The following DEPDC5 variants were observed in gnomAD, a reference collection of about 807,000 sequenced individuals.
DEPDC5 encodes the protein DEP domain containing 5, GATOR1 subcomplex subunit.
In DEPDC5, 73 loss-of-function variants were observed where a neutral mutation model predicts 217.3. The observed-to-expected ratio is 0.34, with a 90% CI of 0.28 to 0.41. The LOEUF is 0.41. Ranked by LOEUF, DEPDC5 falls within the 10% of genes least tolerant of loss-of-function variation. DEPDC5 has a pLI of 1.00. For synonymous variants in DEPDC5, 733 were observed against 756.7 expected (o/e 0.97, Z 0.51); for missense variants, 1,675 against 2,070.1 (o/e 0.81, Z 3.70).
At chr22:31,787,550 TAATC>T (rs2085133449) in intron 10 of DEPDC5, among the ~76,000 whole-genome samples, 1 of 152,156 alleles carries the variant, frequency 6.6e-6, no homozygotes, top group Non-Finnish European at 1.5e-5. Flanking sequence ...CTCACACCTT[TAATC>T]CCAGCACTTT....
chr22:31,768,736 A>T, intron 6 of DEPDC5, 78 bp from the exon 7 acceptor site: 2 of 1,250,554 alleles, frequency 1.6e-6, no homozygotes, highest in Admixed American at 2.0e-5. Context: ...TGGCCTTAAT[A>T]TGTTAATCAA....
intron 14 of DEPDC5, among the ~76,000 whole-genome samples, chr22:31,802,050 A>G (rs1045427625): frequency 1.4e-5 from 2 of 147,860 alleles, no homozygotes; most frequent in African/African-American, 4.9e-5. Context: ...TTAAAATAAT[A>G]TATAATATAT....
intron 10 of DEPDC5, 52 bp downstream of exon 10, chr22:31,784,927 G>C (rs574512279): frequency 1.3e-6 from 2 of 1,527,272 alleles, no homozygotes; most frequent in South Asian, 1.2e-5. Context: ...TACTCAATCA[G>C]ATTTTTAAAA....
rs1184782245 is a variant in DEPDC5, at chr22:31,797,485, C to G, written c.768-115C>G. ...ACCCCCATGATCCAGTCACCTCCCA[C>G]CAGGTTCCTCCCTCGACACATGGGT... is the stretch of plus-strand genomic sequence containing the variant. On this transcript the variant is annotated intron_variant, in intron 12 of 42. Transcript: ENST00000651528. The G allele has an allele frequency of 5.1e-6, 4 of 781,464 alleles. No homozygotes were observed. The Admixed American group carries it at 6.1e-5, about 12-fold the overall frequency. The allele number at this position is 781,464 out of a possible 1,614,324, so 48.4% of individuals were successfully genotyped here. A position where few individuals can be genotyped will look rare whatever the true frequency, so the allele number is the denominator to read the frequency against.
At chr22:31,856,308 A>G (rs758523940) in intron 31 of DEPDC5, among the ~76,000 whole-genome samples, 13 of 152,106 alleles carry the variant, frequency 8.5e-5, no homozygotes, top group Non-Finnish European at 1.6e-4. Flanking sequence ...GGGGCCAACA[A>G]CTGAGACAGA....
At chr22:31,844,873 A>G (rs2091631160) in intron 29 of DEPDC5, 145 bp from the exon 30 acceptor site, 10 of 854,538 alleles carry the variant, frequency 1.2e-5, no homozygotes, top group Non-Finnish European at 1.7e-5. Flanking sequence ...TGTATTTTCA[A>G]CAAAGCCATG....
chr22:31,870,592 A>T lies in DEPDC5; in HGVS notation c.3333A>T (p.Val1111=). ...ATTCATTTTTAAATCTCCTGCAGGT[A>T]TCTGTGGACCAAACAGCCACTCCTA... The part of the protein sequence containing the change: ...RTASSAFYPQ[V]SVDQTATPML... Residue 1111 remains valine (V), a splice_region_variant and synonymous_variant, in exon 34 of 43, where the codon GTA becomes GTT. Transcript: ENST00000651528. 6.6e-7 allele frequency: 1 copy of T among 1,522,596 alleles called. No homozygotes were observed. Among genetic ancestry groups the T allele is most frequent in the Non-Finnish European group, 8.8e-7 (1 of 1,137,134 alleles). The allele number at this position is 1,522,596 out of a possible 1,614,324, so 94.3% of individuals were successfully genotyped here. A position where few individuals can be genotyped will look rare whatever the true frequency, so the allele number is the denominator to read the frequency against.
rs148238703 is a variant in DEPDC5 at position 31,833,091 on chromosome 22, C to G, written c.2105-824C>G. ...ATGTGTATTTACATAGAGATGGTGT[C>G]TCACTCTATCACCCAGGCTGGGGAG... On this transcript the variant is annotated intron_variant, in intron 24 of 42. Coordinates refer to ENST00000651528, the MANE Select transcript of DEPDC5 (RefSeq NM_001242896.3). Among the ~76,000 whole-genome samples, 1,113 of 152,264 alleles carry G rather than the reference C, an allele frequency of 7.3e-3. 57 individuals carry two copies. Among genetic ancestry groups the G allele is most frequent in the Admixed American group, 0.062 (952 of 15,288 alleles).
At chr22:31,807,506 A>C (rs2087693757) in intron 18 of DEPDC5, among the ~76,000 whole-genome samples, 1 of 152,158 alleles carries the variant, frequency 6.6e-6, no homozygotes, top group Admixed American at 6.6e-5. Flanking sequence ...ATCTTGGCTT[A>C]CTGCAACTTC....
chr22:31,843,329 G>A, intron 28 of DEPDC5, 117 bp downstream of exon 28: 1 of 1,132,314 alleles, frequency 8.8e-7, no homozygotes, highest in African/African-American at 1.6e-5. Flanking sequence ...TTTTTCTTTT[G>A]GAGTTTTGTT....
chr22:31,863,191 A>T (rs2092574612), intron 33 of DEPDC5, among the ~76,000 whole-genome samples: 1 of 151,706 alleles, frequency 6.6e-6, no homozygotes, highest in Admixed American at 6.6e-5. Context: ...GTTGAGACAG[A>T]GTTTCACTCT....
chr22:31,831,773 T>A (rs1228167774), intron 24 of DEPDC5, among the ~76,000 whole-genome samples: 1 of 152,228 alleles, frequency 6.6e-6, no homozygotes, highest in African/African-American at 2.4e-5. Context: ...AAAAATTAGT[T>A]ATTTAAAAAT....
intron 38 of DEPDC5, among the ~76,000 whole-genome samples, chr22:31,881,202 C>T (rs1402521130): frequency 2.0e-5 from 3 of 149,420 alleles, no homozygotes; most frequent in Non-Finnish European, 3.0e-5. Flanking sequence ...CTCCGGAGGC[C>T]GAGGCAGGAG....
chr22:31,837,813 C>T lies in DEPDC5; in HGVS notation c.2354+658C>T, dbSNP rs564587631. ...ACCTCCCAGGTTCAAGCGATTCTCACGTCTCAGCCTCCTGAGTAGCTGGGA... is the reference window on the plus strand; with the variant it reads ...ACCTCCCAGGTTCAAGCGATTCTCATGTCTCAGCCTCCTGAGTAGCTGGGA... On this transcript the variant is annotated intron_variant, in intron 26 of 42. Coordinates refer to ENST00000651528, the MANE Select transcript of DEPDC5 (RefSeq NM_001242896.3). 1.3e-4 allele frequency among the ~76,000 whole-genome samples: 20 copies of T among 152,124 alleles called. No individual in the cohort carries two copies. In the South Asian group the frequency reaches 2.5e-3, roughly 19 times the overall value.
At chr22:31,894,844 TAAAAAA>T (rs35605182) in intron 39 of DEPDC5, 1 of 121,934 alleles carries the variant, frequency 8.2e-6, no homozygotes, top group South Asian at 2.6e-4. Flanking sequence ...GACTTCATCT[TAAAAAA>T]AAAAGGAAAA....
intron 14 of DEPDC5, among the ~76,000 whole-genome samples, chr22:31,801,722 T>C (rs1372733172): frequency 3.3e-5 from 5 of 152,148 alleles, no homozygotes; most frequent in African/African-American, 1.2e-4. Flanking sequence ...GTCTGATCTG[T>C]TCAGCTCCAG....
chr22:31,799,616 C>G (rs2086644310), intron 14 of DEPDC5, among the ~76,000 whole-genome samples: 1 of 150,564 alleles, frequency 6.6e-6, no homozygotes, highest in Admixed American at 6.6e-5. Flanking sequence ...CTGAGTAGCC[C>G]TCAGCCTCCT....
intron 38 of DEPDC5, among the ~76,000 whole-genome samples, chr22:31,886,194 T>C (rs1204476393): frequency 6.6e-6 from 1 of 152,114 alleles, no homozygotes; most frequent in Non-Finnish European, 1.5e-5. Flanking sequence ...GCTAGTTTTT[T>C]TGTTGGTTTT....
At chr22:31,876,081 C>A in intron 36 of DEPDC5, 76 bp from the exon 37 acceptor site, 2 of 1,352,824 alleles carry the variant, frequency 1.5e-6, no homozygotes, top group Non-Finnish European at 2.1e-6. Flanking sequence ...ACTCCCTTGT[C>A]TCCAGAGCAT....
Sources: gnomAD v4.1 joint callset for allele counts (sites outside exome capture counted in the v4.1 genomes callset) on GRCh38, gnomAD v4.1.1 for gene constraint, MANE v1.5 for transcripts, NCBI Gene and HGNC (gene_info 2026-07-23, HGNC 2026-07-21) for gene names.